GRIA4: variants seen among roughly 807,000 people sequenced by gnomAD.
GRIA4 encodes the protein glutamate ionotropic receptor AMPA type subunit 4.
In GRIA4, 34 loss-of-function variants were observed where a neutral mutation model predicts 104.0. That is an observed-to-expected ratio of 0.33 (90% CI 0.25 to 0.44). The LOEUF is 0.44. Among genes scored for constraint, GRIA4 ranks in the 20% least tolerant of loss-of-function variants. The probability of loss-of-function intolerance (pLI) is 1.00; values close to 1 mark genes in which losing one functional copy is unlikely to be tolerated. For missense variants in GRIA4, 750 were observed against 1,096.5 expected (o/e 0.68, Z 4.46); for synonymous variants, 386 against 381.9 (o/e 1.01, Z -0.13).
intron 16 of GRIA4, among the ~76,000 whole-genome samples, 162 bp from the exon 17 acceptor site, chr11:105,979,413 T>A (rs1859160303): frequency 6.6e-6 from 1 of 152,246 alleles, no homozygotes; most frequent in African/African-American, 2.4e-5. Flanking sequence ...AGTTAAGCTT[T>A]CCTTTCCCTG....
chr11:105,736,071 A>C (rs1258448420), intron 3 of GRIA4, among the ~76,000 whole-genome samples: 1 of 152,186 alleles, frequency 6.6e-6, no homozygotes, highest in Non-Finnish European at 1.5e-5. Context: ...AATGCTTAAA[A>C]ATTAGAAGAA....
chr11:105,806,101 G>A lies in GRIA4; in HGVS notation c.487+52881G>A, dbSNP rs547428827. 3.3e-5 allele frequency among the ~76,000 whole-genome samples: 5 copies of A among 151,824 alleles called. No homozygotes were observed. The East Asian group carries it at 9.7e-4, about 29-fold the overall frequency. On this transcript the variant is annotated intron_variant, in intron 4 of 16. Transcript: ENST00000282499. ...TAAGTGTAAGCTTTTGTTTGTTTTA[G>A]TTAAAACATTTAAACTTCCCATTAA...
intron 14 of GRIA4, among the ~76,000 whole-genome samples, chr11:105,959,226 C>G (rs1948671977): frequency 6.6e-6 from 1 of 152,156 alleles, no homozygotes; most frequent in Non-Finnish European, 1.5e-5. Flanking sequence ...TTTCCATTCT[C>G]CCTATCTCCT....
chr11:105,852,269 T>G (rs1005428483), intron 4 of GRIA4, among the ~76,000 whole-genome samples: 2 of 152,204 alleles, frequency 1.3e-5, no homozygotes, highest in African/African-American at 4.8e-5. Flanking sequence ...TTCCCAGAGT[T>G]GTAGGGATGA....
chr11:105,748,650 T>C (rs1283894767), intron 3 of GRIA4, among the ~76,000 whole-genome samples: 1 of 152,154 alleles, frequency 6.6e-6, no homozygotes, highest in Non-Finnish European at 1.5e-5. Flanking sequence ...CCCAAAGTAC[T>C]GGGATTACAG....
chr11:105,701,247 C>T (rs1044008628), intron 3 of GRIA4, among the ~76,000 whole-genome samples: 6 of 152,178 alleles, frequency 3.9e-5, no homozygotes, highest in Admixed American at 6.6e-5. Context: ...TAACCGCTAG[C>T]TTACAAATAT....
intron 3 of GRIA4, among the ~76,000 whole-genome samples, chr11:105,629,290 A>G (rs1285350773): frequency 1.4e-5 from 2 of 141,266 alleles, no homozygotes; most frequent in Non-Finnish European, 3.1e-5. Flanking sequence ...TAAATAAATA[A>G]ATAGAGACAT....
chr11:105,916,014 T>C (rs1256444803), intron 10 of GRIA4, among the ~76,000 whole-genome samples: 1 of 152,018 alleles, frequency 6.6e-6, no homozygotes, highest in Admixed American at 6.6e-5. Context: ...TGAAATCCCA[T>C]CACTACTAAA....
intron 4 of GRIA4, among the ~76,000 whole-genome samples, chr11:105,820,397 C>T (rs989019968): frequency 6.6e-6 from 1 of 152,102 alleles, no homozygotes; most frequent in Admixed American, 6.6e-5. Flanking sequence ...CTCTTCATAA[C>T]CCTTCCTCAA....
chr11:105,816,258 G>A (rs1943370867), intron 4 of GRIA4, among the ~76,000 whole-genome samples: 1 of 152,132 alleles, frequency 6.6e-6, no homozygotes, highest in Admixed American at 6.6e-5. Flanking sequence ...GTTTGGATAT[G>A]TGTCCTTGCC....
At chr11:105,952,324 G>T (rs1239358671) in intron 14 of GRIA4, among the ~76,000 whole-genome samples, 1 of 152,020 alleles carries the variant, frequency 6.6e-6, no homozygotes. Flanking sequence ...TACTTTCATT[G>T]AATTCTAAAA....
intron 3 of GRIA4, among the ~76,000 whole-genome samples, chr11:105,676,689 T>C (rs1252246790): frequency 6.6e-6 from 1 of 151,788 alleles, no homozygotes; most frequent in Non-Finnish European, 1.5e-5. Context: ...TGTGATAGTG[T>C]AATATTTGTA....
At chr11:105,704,626 T>G (rs1357938026) in intron 3 of GRIA4, among the ~76,000 whole-genome samples, 3 of 152,132 alleles carry the variant, frequency 2.0e-5, no homozygotes, top group African/African-American at 7.2e-5. Context: ...AGGAATTTCT[T>G]AAGTAGAACT....
intron 4 of GRIA4, among the ~76,000 whole-genome samples, chr11:105,810,753 C>T (rs533836012): frequency 6.6e-6 from 1 of 152,086 alleles, no homozygotes; most frequent in East Asian, 1.9e-4. Flanking sequence ...TTCAGATAAT[C>T]CCCCCACCCC....
chr11:105,703,584 T>C (rs1953583872), intron 3 of GRIA4, among the ~76,000 whole-genome samples: 1 of 152,178 alleles, frequency 6.6e-6, no homozygotes, highest in African/African-American at 2.4e-5. Flanking sequence ...CAAATAAATA[T>C]TGGAAGTAAA....
At chr11:105,877,644 C>T (rs544177338) in intron 5 of GRIA4, among the ~76,000 whole-genome samples, 2 of 152,274 alleles carry the variant, frequency 1.3e-5, no homozygotes, top group South Asian at 2.1e-4. Context: ...ATTTATGCTT[C>T]ATTTCATTAA....
chr11:105,759,811 T>A (rs559489498), intron 4 of GRIA4, among the ~76,000 whole-genome samples: 1 of 152,276 alleles, frequency 6.6e-6, no homozygotes, highest in African/African-American at 2.4e-5. Context: ...TTAAATCCCC[T>A]TCTGTGCATT....
intron 16 of GRIA4, among the ~76,000 whole-genome samples, chr11:105,978,903 G>C (rs1022197994): frequency 2.0e-5 from 3 of 152,148 alleles, no homozygotes; most frequent in African/African-American, 7.2e-5. Flanking sequence ...CTCAATATGG[G>C]AGGTTCCCCA....
At chr11:105,638,045 T>C (rs4261254) in intron 3 of GRIA4, among the ~76,000 whole-genome samples, 49,835 of 152,078 alleles carry the variant, frequency 0.33, 8,761 homozygotes, top group Admixed American at 0.46. Flanking sequence ...GCTACTAATA[T>C]GTTTTGTGCG....
Sources: gnomAD v4.1 joint callset for allele counts (sites outside exome capture counted in the v4.1 genomes callset) on GRCh38, gnomAD v4.1.1 for gene constraint, MANE v1.5 for transcripts, NCBI Gene and HGNC (gene_info 2026-07-23, HGNC 2026-07-21) for gene names.